Variants in KLHL28 observed in about 807,000 individuals in gnomAD.
The protein encoded by KLHL28 is kelch like family member 28.
KLHL28 carries 22 observed loss-of-function variants against 48.3 expected under a neutral mutation model. The observed-to-expected ratio is 0.46, with a 90% CI of 0.33 to 0.65. The LOEUF (loss-of-function observed/expected upper bound fraction) is 0.65. KLHL28 is among the 30% of genes least tolerant of loss of function. The pLI is 0.03. For missense variants in KLHL28, 527 were observed against 704.3 expected, an observed-to-expected ratio of 0.75 and a Z score of 2.85; for synonymous variants, 243 against 242.4, an observed-to-expected ratio of 1.00 and a Z score of -0.02.
chr14:44,932,593 A>G (rs1173686851), intron 3 of KLHL28, among the ~76,000 whole-genome samples: 1 of 152,228 alleles, frequency 6.6e-6, no homozygotes, highest in Non-Finnish European at 1.5e-5. Context: ...TGAAAAAACC[A>G]TAAGCATTTA....
At position 44,928,326 on chromosome 14, in the gene KLHL28, T is replaced by C. The variant is rs1883441899; in HGVS notation, c.*702A>G. 6.6e-6 allele frequency: 1 copy of C among 152,068 alleles called. No individual in the cohort carries two copies. The highest frequency in any genetic ancestry group is 1.5e-5 in the Non-Finnish European group (1 of 68,010). 9.4% of individuals were successfully genotyped at this position (152,068 alleles called of 1,614,324 possible). On this transcript the variant is annotated 3_prime_UTR_variant, in exon 5 of 5. Transcript: ENST00000396128. ...TAGCATAGATAGGTAATTAAATTCATCCAACGTTAACCTGCCCATATACAA... is the reference window on the plus strand; with the variant it reads ...TAGCATAGATAGGTAATTAAATTCACCCAACGTTAACCTGCCCATATACAA...
chr14:44,957,554 C>T (rs988358752), intron 1 of KLHL28, among the ~76,000 whole-genome samples: 3 of 152,156 alleles, frequency 2.0e-5, no homozygotes, highest in African/African-American at 7.2e-5. Flanking sequence ...TAATTGTTAT[C>T]ACTTCTCATA....
chr14:44,941,989 T>C (rs557967126), intron 2 of KLHL28, among the ~76,000 whole-genome samples: 1 of 152,356 alleles, frequency 6.6e-6, no homozygotes, highest in Non-Finnish European at 1.5e-5. Context: ...TTTTAATTCA[T>C]ACCTCTAAAC....
intron 1 of KLHL28, among the ~76,000 whole-genome samples, chr14:44,948,383 AAC>A (rs771672337): frequency 6.6e-6 from 1 of 152,150 alleles, no homozygotes; most frequent in African/African-American, 2.4e-5. Context: ...ATCAGTGAAG[AAC>A]ACAGACTTTG....
At chr14:44,943,112 A>G (rs889307983) in intron 2 of KLHL28, among the ~76,000 whole-genome samples, 4 of 152,220 alleles carry the variant, frequency 2.6e-5, no homozygotes, top group Non-Finnish European at 5.9e-5. Context: ...AAAGATATGA[A>G]CAGGTCTTAT....
chr14:44,945,832 C>A lies in KLHL28; in HGVS notation c.97G>T (p.Glu33Ter). 6.2e-7 allele frequency: 1 copy of A among 1,614,048 alleles called. No individual in the cohort carries two copies. The highest frequency in any genetic ancestry group is 8.5e-7 in the Non-Finnish European group (1 of 1,179,978). Residue 33 changes from glutamate (E) to a stop codon, truncating the protein, a stop_gained, in exon 2 of 5, where the codon GAA (glutamate) becomes TAA (stop). Coordinates refer to ENST00000396128, the MANE Select transcript of KLHL28 (RefSeq NM_017658.5). LOFTEE classifies it high-confidence loss of function. ...QGLNLLRQHHELCDIILRVGD... is the reference protein window; with the variant it reads ...QGLNLLRQHH Reference sequence around the variant, plus strand: ...ACTCGAAGAATGATGTCACAGAGTTCGTGATGTTGGCGAAGAAGATTCAAG... The same window carrying A: ...ACTCGAAGAATGATGTCACAGAGTTAGTGATGTTGGCGAAGAAGATTCAAG...
intron 3 of KLHL28, among the ~76,000 whole-genome samples, chr14:44,932,559 T>A (rs1013161652): frequency 6.6e-6 from 1 of 152,168 alleles, no homozygotes; most frequent in Non-Finnish European, 1.5e-5. Flanking sequence ...ATTGTTGGGC[T>A]TGTTCTGGCC....
chr14:44,931,937 G>T (rs1883604591), intron 3 of KLHL28, among the ~76,000 whole-genome samples: 1 of 151,728 alleles, frequency 6.6e-6, no homozygotes, highest in Non-Finnish European at 1.5e-5. Flanking sequence ...AACCTGAAGG[G>T]ATTCATATAA....
In KLHL28 at chr14:44,945,175, G is replaced by C. The variant is rs748145702; in HGVS notation, c.754C>G (p.His252Asp). 4 of 1,614,092 alleles carry C rather than the reference G, an allele frequency of 2.5e-6. No homozygotes were observed. In the South Asian group the frequency reaches 4.4e-5, roughly 18 times the overall value. The change falls in exon 2 of 5, where the codon CAT becomes GAT. Residue 252 changes from histidine (H) to aspartate (D), a missense_variant. Physicochemically the swap from His to Asp is moderately conservative, Grantham distance 81. Transcript: ENST00000396128. ...HLIRDDRTCK[H>D]LLNEALKYHF... ...TACTTTAGGGCTTCATTCAAAAGAT[G>C]TTTACAAGTGCGATCATCACGAATA...
intron 1 of KLHL28, chr14:44,960,901 G>T (rs1468718301): frequency 6.5e-7 from 1 of 1,540,186 alleles, no homozygotes; most frequent in Admixed American, 2.0e-5. Flanking sequence ...TACAGAGCAG[G>T]GTAGGAATAC....
In KLHL28 at chr14:44,945,226, T is replaced by C. The variant is rs777263400; in HGVS notation, c.703A>G (p.Thr235Ala). Reference sequence around the variant, plus strand: ...AGATGATTTGCTTCATATAGTCTAGTGAGAAACTTAACACTCAACAATGGT... The same window carrying C: ...AGATGATTTGCTTCATATAGTCTAGCGAGAAACTTAACACTCAACAATGGT... The part of the protein sequence containing the change: ...RLPLLSVKFL[T>A]RLYEANHLIR... Residue 235 changes from threonine (T) to alanine (A), a missense_variant, in exon 2 of 5, where the codon ACT (threonine) becomes GCT (alanine). Physicochemically the swap from Thr to Ala is moderately conservative, Grantham distance 58 (BLOSUM62 0). Coordinates refer to ENST00000396128, the MANE Select transcript of KLHL28 (RefSeq NM_017658.5). 3 of 1,614,146 alleles carry C rather than the reference T, an allele frequency of 1.9e-6. No individual in the cohort carries two copies. The highest frequency in any genetic ancestry group is 1.1e-5 in the South Asian group (1 of 91,082).
At chr14:44,937,683 T>C (rs1883884036) in intron 2 of KLHL28, among the ~76,000 whole-genome samples, 1 of 152,202 alleles carries the variant, frequency 6.6e-6, no homozygotes, top group African/African-American at 2.4e-5. Flanking sequence ...TACTACAGAC[T>C]GGGTAATTTA....
In KLHL28 at chr14:44,945,024, A is replaced by AT; in HGVS notation, c.899+5dup. On this transcript the variant is annotated splice_donor_region_variant and intron_variant, in intron 2 of 4. Transcript: ENST00000396128. ...CATCATTCATTTAGGAAAGCCTTCTATTTACCTATCCAAACAGGCAAAGAG... is the reference window on the plus strand; with the variant it reads ...CATCATTCATTTAGGAAAGCCTTCTATTTTACCTATCCAAACAGGCAAAGAG... 6.4e-7 allele frequency: 1 copy of AT among 1,570,208 alleles called. No individual in the cohort carries two copies. Among genetic ancestry groups the AT allele is most frequent in the Non-Finnish European group, 8.7e-7 (1 of 1,149,922 alleles).
At chr14:44,952,674 C>T (rs762367793) in intron 1 of KLHL28, among the ~76,000 whole-genome samples, 69 of 152,240 alleles carry the variant, frequency 4.5e-4, no homozygotes, top group Admixed American at 1.4e-3. Context: ...GCTGGGACTA[C>T]AGGTGTCCAC....
intron 1 of KLHL28, chr14:44,959,380 G>A (rs1884937013): frequency 6.6e-6 from 1 of 151,952 alleles, no homozygotes; most frequent in African/African-American, 2.4e-5. Context: ...CTCAAAACAT[G>A]GTATTATTAT....
intron 2 of KLHL28, among the ~76,000 whole-genome samples, chr14:44,937,758 G>T (rs1042830058): frequency 6.6e-6 from 1 of 152,198 alleles, no homozygotes; most frequent in Non-Finnish European, 1.5e-5. Context: ...CATGGTGCTA[G>T]CATCTGGGAA....
At chr14:44,934,720 G>A (rs745746906) in intron 2 of KLHL28, among the ~76,000 whole-genome samples, 162 bp from the exon 3 acceptor site, 1 of 152,140 alleles carries the variant, frequency 6.6e-6, no homozygotes, top group East Asian at 1.9e-4. Context: ...GATAATAATT[G>A]TTGGCAAGAA....
intron 2 of KLHL28, among the ~76,000 whole-genome samples, chr14:44,938,247 A>T (rs1290038241): frequency 6.6e-6 from 1 of 152,138 alleles, no homozygotes; most frequent in Non-Finnish European, 1.5e-5. Flanking sequence ...AAAACAAGTT[A>T]TTTACTTCCA....
At chr14:44,929,616 G>A (rs1045707559) in intron 4 of KLHL28, among the ~76,000 whole-genome samples, 4 of 152,128 alleles carry the variant, frequency 2.6e-5, no homozygotes, top group African/African-American at 9.7e-5. Flanking sequence ...GTCCACTGGG[G>A]GTCTTGGAAT....
Sources: gnomAD v4.1 joint callset for allele counts (sites outside exome capture counted in the v4.1 genomes callset) on GRCh38, gnomAD v4.1.1 for gene constraint, MANE v1.5 for transcripts, NCBI Gene and HGNC (gene_info 2026-07-23, HGNC 2026-07-21) for gene names.